CA6: variants seen among roughly 807,000 people sequenced by gnomAD.
The protein encoded by CA6 is carbonate dehydratase VI.
CA6 carries 28 observed loss-of-function variants against 35.9 expected under a neutral mutation model. The observed-to-expected ratio is 0.78, with a 90% confidence interval of 0.58 to 1.07. CA6 has a LOEUF of 1.07. Ranked by LOEUF, CA6 falls within the 50% of genes least tolerant of loss-of-function variation. The pLI is 0.00. For synonymous variants in CA6, 148 were observed against 152.6 expected, an observed-to-expected ratio of 0.97 and a Z score of 0.22; for missense variants, 377 against 382.0, an observed-to-expected ratio of 0.99 and a Z score of 0.11.
intron 1 of CA6, among the ~76,000 whole-genome samples, 187 bp from the exon 2 acceptor site, chr1:8,949,076 C>G (rs971858155): frequency 6.6e-6 from 1 of 152,150 alleles, no homozygotes; most frequent in Non-Finnish European, 1.5e-5. Flanking sequence ...CCCCCAAACA[C>G]CAGAGTCCTT....
At chr1:8,967,295 T>A (rs1639995211) in intron 5 of CA6, among the ~76,000 whole-genome samples, 1 of 152,220 alleles carries the variant, frequency 6.6e-6, no homozygotes. Context: ...CCGCAGCAGT[T>A]ACACTTAGGA....
intron 2 of CA6, 56 bp from the exon 3 acceptor site, chr1:8,957,081 G>C: frequency 6.6e-7 from 1 of 1,505,736 alleles, no homozygotes; most frequent in Admixed American, 2.0e-5. Flanking sequence ...CCAGCCTGTA[G>C]GCCTGACCCC....
At chr1:8,954,172 C>T (rs1281330374) in intron 2 of CA6, among the ~76,000 whole-genome samples, 1 of 138,318 alleles carries the variant, frequency 7.2e-6, no homozygotes, top group African/African-American at 2.6e-5. Context: ...CCACTACTTC[C>T]GTTTTTTTTT....
Position 8,967,640 on chromosome 1 carries a change from C to T in CA6, c.572-19C>T, listed in dbSNP as rs200724703. On this transcript the variant is annotated intron_variant, in intron 5 of 7. Coordinates refer to ENST00000377443, the MANE Select transcript of CA6 (RefSeq NM_001215.4). ...GCGCTGGTCCCTGACATTCTGTTAC[C>T]TTCTGTCTTCTTGGTCAGGACAAAG... The T allele has an allele frequency of 1.1e-5, 17 of 1,611,982 alleles. No homozygotes were observed. The highest frequency in any genetic ancestry group is 2.2e-5 in the East Asian group (1 of 44,862).
Position 8,967,729 on chromosome 1 carries a change from C to T in CA6, c.642C>T (p.Thr214=). ...MLPRNLQHYY[T]YHGSLTTPPC... ...CCAGGAACCTCCAGCACTACTACAC[C>T]TACCATGGCTCACTCACCACGCCTC... is the stretch of plus-strand genomic sequence containing the variant. Residue 214 remains threonine (T), a synonymous_variant, in exon 6 of 8, where the codon ACC becomes ACT. Coordinates refer to ENST00000377443, the MANE Select transcript of CA6 (RefSeq NM_001215.4). The T allele has an allele frequency of 6.2e-7, 1 of 1,614,058 alleles. No homozygotes were observed. The highest frequency in any genetic ancestry group is 2.2e-5 in the East Asian group (1 of 44,882).
chr1:8,965,061 T>C (rs1163013012), intron 5 of CA6, among the ~76,000 whole-genome samples: 2 of 152,088 alleles, frequency 1.3e-5, no homozygotes, highest in African/African-American at 4.8e-5. Flanking sequence ...GTGGCCAACA[T>C]GGTTGAACCC....
chr1:8,957,280 A>G lies in CA6; in HGVS notation c.403A>G (p.Ile135Val). Residue 135 changes from isoleucine to valine, a missense_variant, in exon 3 of 8, where the codon ATC (isoleucine) becomes GTC (valine). By Grantham distance (29) the Ile-to-Val change is conservative (BLOSUM62 3). Transcript: ENST00000377443. ...CACCGTGGACGGGATCAGACATGTG[A>G]TCGAGGTACCTGAGGACCCCCACTG... The part of the protein sequence containing the change: ...EHTVDGIRHV[I>V]EIHIVHYNSK... 1 of 1,611,004 alleles carries G rather than the reference A, an allele frequency of 6.2e-7. No individual in the cohort carries two copies. The highest frequency in any genetic ancestry group is 2.2e-5 in the East Asian group (1 of 44,818).
At chr1:8,957,500 C>G (rs1261241159) in intron 3 of CA6, among the ~76,000 whole-genome samples, 2 of 152,150 alleles carry the variant, frequency 1.3e-5, no homozygotes, top group African/African-American at 2.4e-5. Context: ...GCCACCATGC[C>G]CTACTAAGTT....
intron 4 of CA6, among the ~76,000 whole-genome samples, chr1:8,960,160 G>A (rs944559160): frequency 6.6e-6 from 1 of 151,946 alleles, no homozygotes; most frequent in African/African-American, 2.4e-5. Context: ...GAACCCAAGA[G>A]GCAGAGGCTG....
intron 4 of CA6, among the ~76,000 whole-genome samples, chr1:8,962,237 T>TAAA (rs767436103): frequency 7.3e-6 from 1 of 137,776 alleles, no homozygotes; most frequent in Non-Finnish European, 1.6e-5. Flanking sequence ...GCAAGACTCT[T>TAAA]AAAAAAAAAA....
chr1:8,971,884 T>A (rs1215003618), intron 7 of CA6, among the ~76,000 whole-genome samples: 3 of 152,212 alleles, frequency 2.0e-5, no homozygotes, highest in African/African-American at 7.2e-5. Flanking sequence ...GGCAAGAGTG[T>A]AAATATTTCA....
chr1:8,953,211 C>T (rs1639586930), intron 2 of CA6, among the ~76,000 whole-genome samples: 1 of 152,146 alleles, frequency 6.6e-6, no homozygotes, highest in Admixed American at 6.5e-5. Context: ...GGCTTGATAG[C>T]TCATTTCTTT....
At chr1:8,950,674 C>T (rs1229273504) in intron 2 of CA6, among the ~76,000 whole-genome samples, 2 of 151,392 alleles carry the variant, frequency 1.3e-5, no homozygotes, top group African/African-American at 2.4e-5. Flanking sequence ...TTGAGACCAA[C>T]CTGGGCAACT....
chr1:8,946,731 C>T (rs749426508), intron 1 of CA6, among the ~76,000 whole-genome samples: 4 of 151,570 alleles, frequency 2.6e-5, no homozygotes, highest in Non-Finnish European at 4.4e-5. Flanking sequence ...GGCAGTTTAC[C>T]CAGAACATCT....
intron 7 of CA6, among the ~76,000 whole-genome samples, chr1:8,972,454 C>G (rs1169941645): frequency 1.3e-5 from 2 of 152,046 alleles, no homozygotes; most frequent in Non-Finnish European, 2.9e-5. Context: ...GGGCAGATCA[C>G]GATGTCAGGA....
At position 8,963,322 on chromosome 1, in the gene CA6, A is replaced by G. The variant is rs905077078; in HGVS notation, c.571+666A>G. Among the ~76,000 whole-genome samples the G allele has an allele frequency of 1.3e-5, 2 of 151,684 alleles. No homozygotes were observed. The highest frequency in any genetic ancestry group is 2.9e-5 in the Non-Finnish European group (2 of 67,952). ...CTCCTAGTGACGCCTGTGTCCTTTC[A>G]TCTCTCTCCCAGCTTAGATTCCACC... is the stretch of plus-strand genomic sequence containing the variant. On this transcript the variant is annotated intron_variant, in intron 5 of 7. Transcript: ENST00000377443. The surrounding 1 kb of genome is among the most constrained non-coding windows in gnomAD (Gnocchi z 4.1).
chr1:8,962,171 G>A (rs1277259564), intron 4 of CA6, among the ~76,000 whole-genome samples: 1 of 151,850 alleles, frequency 6.6e-6, no homozygotes, highest in Non-Finnish European at 1.5e-5. Flanking sequence ...GAACCCTGGA[G>A]GCAGAGGTTG....
intron 7 of CA6, chr1:8,974,366 T>A: frequency 6.5e-7 from 1 of 1,531,046 alleles, no homozygotes; most frequent in Non-Finnish European, 8.7e-7. Flanking sequence ...ACGGGGGGCA[T>A]CGTGGGAGAA....
chr1:8,967,206 C>G (rs1437750866), intron 5 of CA6, among the ~76,000 whole-genome samples: 1 of 152,104 alleles, frequency 6.6e-6, no homozygotes, highest in Non-Finnish European at 1.5e-5. Context: ...AGGGCACTTA[C>G]CCAGAAGTCT....
Sources: allele counts gnomAD v4.1 joint callset (sites outside exome capture counted in the v4.1 genomes callset), GRCh38; gene constraint gnomAD v4.1.1; non-coding constraint Gnocchi (gnomAD v3.1); transcripts MANE v1.5; gene names NCBI Gene and HGNC (gene_info 2026-07-23, HGNC 2026-07-21).